The following ITFG2 variants were observed in gnomAD, a reference collection of about 807,000 sequenced individuals.
ITFG2 encodes integrin alpha FG-GAP repeat containing 2.
In ITFG2, 36 loss-of-function variants were observed where a neutral mutation model predicts 54.4. That is an observed-to-expected ratio of 0.66 (90% CI 0.51 to 0.87). ITFG2 has a LOEUF of 0.87. Among genes scored for constraint, ITFG2 ranks in the 40% least tolerant of loss-of-function variants. ITFG2 has a pLI of 0.00. For missense variants in ITFG2, 524 were observed against 576.7 expected, an observed-to-expected ratio of 0.91 and a Z score of 0.94; for synonymous variants, 211 against 225.4, an observed-to-expected ratio of 0.94 and a Z score of 0.57.
rs1467922044 is a variant in ITFG2, at chr12:2,823,698, T to C, written c.1067-72T>C. 4.0e-6 allele frequency: 6 copies of C among 1,483,630 alleles called. No individual in the cohort carries two copies. The East Asian group carries it at 1.4e-4, about 34-fold the overall frequency. 91.9% of individuals were successfully genotyped at this position (1,483,630 alleles called of 1,614,324 possible). A position where few individuals can be genotyped will look rare whatever the true frequency, so the allele number is the denominator to read the frequency against. On this transcript the variant is annotated intron_variant, in intron 10 of 11. Transcript: ENST00000228799. ...TGGAAAGTGCTGACTCGGAGGTCTG[T>C]GTCTTGCTGTCTGCCCCCCACTGTC...
At chr12:2,853,833 C>T (rs1449576156) in intron 2 of ITFG2, among the ~76,000 whole-genome samples, 2 of 152,168 alleles carry the variant, frequency 1.3e-5, no homozygotes, top group South Asian at 2.1e-4. Flanking sequence ...CTCCTCTCAA[C>T]GTTCCTGGCT....
chr12:2,849,558 G>C, intron 2 of ITFG2: 3 of 1,534,892 alleles, frequency 2.0e-6, no homozygotes, highest in Non-Finnish European at 2.6e-6. Context: ...AGAACAGAGA[G>C]ATCAAAGAAG....
chr12:2,847,100 A>C (rs2153927752), intron 2 of ITFG2, among the ~76,000 whole-genome samples: 1 of 152,304 alleles, frequency 6.6e-6, no homozygotes, highest in Non-Finnish European at 1.5e-5. Context: ...ATGTAAATGC[A>C]GTCATATAAT....
At position 2,817,284 on chromosome 12, in the gene ITFG2, G is replaced by T. The variant is rs574513228; in HGVS notation, c.158G>T (p.Ser53Ile). The T allele has an allele frequency of 6.2e-7, 1 of 1,613,918 alleles. No homozygotes were observed. The highest frequency in any genetic ancestry group is 1.1e-5 in the South Asian group (1 of 91,040). The change falls in exon 2 of 12, where the codon AGT (serine) becomes ATT (isoleucine). Residue 53 changes from serine to isoleucine, a missense_variant. By Grantham distance (142) the Ser-to-Ile change is moderately radical. Coordinates refer to ENST00000228799, the MANE Select transcript of ITFG2 (RefSeq NM_018463.4). ...GKVSVYKNDD[S>I]RPWLTCSCQG... ...GTGTCTGTGTATAAAAATGATGACA[G>T]TCGGCCATGGCTCACCTGTTCCTGC...
intron 2 of ITFG2, among the ~76,000 whole-genome samples, chr12:2,850,067 G>T (rs2153928322): frequency 6.6e-6 from 1 of 152,246 alleles, no homozygotes; most frequent in Non-Finnish European, 1.5e-5. Context: ...GGGGCTCTCA[G>T]CCTGGCTGCA....
At chr12:2,828,143 C>T (rs778542357), downstream of ITFG2, 26 of 1,273,328 alleles carry the variant, frequency 2.0e-5, no homozygotes, top group Middle Eastern at 1.9e-4. Flanking sequence ...GTTTCATCTC[C>T]AACCCCTGAC....
chr12:2,855,233 G>A, intron 2 of ITFG2: 3 of 1,506,590 alleles, frequency 2.0e-6, no homozygotes, highest in Admixed American at 4.1e-5. Context: ...AGCCACGTGT[G>A]AAAGCCCCAG....
chr12:2,842,483 T>C (rs1190778427), intron 2 of ITFG2, among the ~76,000 whole-genome samples: 3 of 151,932 alleles, frequency 2.0e-5, no homozygotes, highest in Non-Finnish European at 2.9e-5. Context: ...GGCTCAAGCC[T>C]GTAATCCCAC....
intron 11 of ITFG2, 23 bp from the exon 12 acceptor site, chr12:2,824,067 A>T (rs369015572): frequency 8.1e-6 from 13 of 1,613,758 alleles, no homozygotes; most frequent in Non-Finnish European, 1.1e-5. Flanking sequence ...ACAGCCTCTT[A>T]CCCACCCCTT....
At chr12:2,850,723 A>C (rs1368495137) in intron 2 of ITFG2, among the ~76,000 whole-genome samples, 1 of 151,590 alleles carries the variant, frequency 6.6e-6, no homozygotes, top group Non-Finnish European at 1.5e-5. Context: ...CCCAGGCCGG[A>C]GTGCAGTGGC....
intron 2 of ITFG2, among the ~76,000 whole-genome samples, chr12:2,843,506 G>A (rs967523671): frequency 3.3e-5 from 5 of 152,282 alleles, no homozygotes; most frequent in Admixed American, 6.5e-5. Flanking sequence ...AACTCAGAGG[G>A]GCCTGATCAA....
downstream of ITFG2, chr12:2,826,593 G>GA (rs2097968363): frequency 6.5e-6 from 1 of 152,688 alleles, no homozygotes; most frequent in African/African-American, 2.4e-5. Context: ...GCAGCCACAG[G>GA]AAAAAATAGC....
At chr12:2,831,029 A>G, downstream of ITFG2, 1 of 538,542 alleles carries the variant, frequency 1.9e-6, no homozygotes, top group Non-Finnish European at 3.0e-6. Context: ...AGTAAGCCCC[A>G]GTATCAAATC....
chr12:2,832,323 G>A (rs887764010), upstream of ITFG2, among the ~76,000 whole-genome samples: 1 of 151,762 alleles, frequency 6.6e-6, no homozygotes, highest in Non-Finnish European at 1.5e-5. Context: ...CCACATGACC[G>A]GGCCGTGCCT....
chr12:2,819,821 T>TA, intron 4 of ITFG2: 3 of 300,816 alleles, frequency 1.0e-5, no homozygotes, highest in Middle Eastern at 9.3e-4. Context: ...TGGTGGGAGA[T>TA]ACGTGGGATG....
intron 1 of ITFG2, among the ~76,000 whole-genome samples, chr12:2,839,446 T>TCG (rs1407439252): frequency 6.6e-6 from 1 of 152,226 alleles, no homozygotes; most frequent in African/African-American, 2.4e-5. Flanking sequence ...TCCAAAACAC[T>TCG]TGGAAAATGT....
chr12:2,822,009 AC>A (rs1472024147), intron 9 of ITFG2, among the ~76,000 whole-genome samples: 1 of 150,276 alleles, frequency 6.7e-6, no homozygotes, highest in African/African-American at 2.5e-5. Flanking sequence ...GTTCACTGCA[AC>A]CTTTTCTGCT....
At chr12:2,822,293 C>T (rs1408564923) in intron 9 of ITFG2, among the ~76,000 whole-genome samples, 5 of 152,136 alleles carry the variant, frequency 3.3e-5, no homozygotes. Flanking sequence ...ATAATTAATG[C>T]TATACTGTGC....
chr12:2,821,402 C>G (rs777370176), intron 7 of ITFG2, 43 bp downstream of exon 7: 1 of 1,570,044 alleles, frequency 6.4e-7, no homozygotes, highest in South Asian at 1.1e-5. Context: ...GAGGGGTAGC[C>G]GTCAGTTCTG....
Sources: allele counts gnomAD v4.1 joint callset (sites outside exome capture counted in the v4.1 genomes callset), GRCh38; gene constraint gnomAD v4.1.1; transcripts MANE v1.5; gene names NCBI Gene and HGNC (gene_info 2026-07-23, HGNC 2026-07-21).